SGIP1: variants seen among roughly 807,000 people sequenced by gnomAD.
The protein encoded by SGIP1 is SH3GL interacting endocytic adaptor 1, also known as SH3-containing GRB2-like protein 3-interacting protein 1.
SGIP1 carries 38 observed loss-of-function variants against 107.5 expected under a neutral mutation model. The observed-to-expected ratio is 0.35, with a 90% CI of 0.27 to 0.46. SGIP1 has a LOEUF of 0.46. Among genes scored for constraint, SGIP1 ranks in the 20% least tolerant of loss-of-function variants. The pLI, the probability that SGIP1 is intolerant of heterozygous loss-of-function variation, is 1.00. For synonymous variants in SGIP1, 365 were observed against 366.1 expected, an observed-to-expected ratio of 1.00 and a Z score of 0.03; for missense variants, 929 against 1,019.5, an observed-to-expected ratio of 0.91 and a Z score of 1.21.
chr1:66,747,794 T>A lies in SGIP1; in HGVS notation c.*4699T>A, dbSNP rs894708301. On this transcript the variant is annotated 3_prime_UTR_variant, in exon 25 of 25. Transcript: ENST00000371037. Reference sequence around the variant, plus strand: ...TGAGTGTGTGTGTATGTGTCTGTGTTTAAGCTTTTCCTTTTCCAAAAGATT... The same window carrying A: ...TGAGTGTGTGTGTATGTGTCTGTGTATAAGCTTTTCCTTTTCCAAAAGATT... The A allele has an allele frequency of 6.6e-6, 1 of 151,968 alleles. No individual in the cohort carries two copies. 9.4% of individuals were successfully genotyped at this position (151,968 alleles called of 1,614,324 possible).
At chr1:66,692,689 C>G (rs1020272432) in intron 17 of SGIP1, among the ~76,000 whole-genome samples, 6 of 152,152 alleles carry the variant, frequency 3.9e-5, no homozygotes, top group Non-Finnish European at 7.3e-5. Flanking sequence ...CTCAACATTT[C>G]CCTCCCACTG....
chr1:66,641,049 T>A (rs1352174080), intron 5 of SGIP1, among the ~76,000 whole-genome samples: 1 of 151,148 alleles, frequency 6.6e-6, no homozygotes, highest in South Asian at 2.1e-4. Flanking sequence ...GAAAAAGAAG[T>A]CAAATACATA....
intron 1 of SGIP1, among the ~76,000 whole-genome samples, chr1:66,577,066 G>A (rs2061167867): frequency 6.6e-6 from 1 of 152,174 alleles, no homozygotes; most frequent in Non-Finnish European, 1.5e-5. Context: ...GGAACCCAGT[G>A]TCTTGAATAA....
At chr1:66,616,215 A>G (rs956349455) in intron 1 of SGIP1, 5 of 152,242 alleles carry the variant, frequency 3.3e-5, no homozygotes, top group African/African-American at 1.2e-4. Flanking sequence ...GCTCTAACAA[A>G]GAAAAGCTTG....
intron 5 of SGIP1, among the ~76,000 whole-genome samples, chr1:66,640,603 T>C (rs1397098757): frequency 6.6e-6 from 1 of 151,948 alleles, no homozygotes; most frequent in East Asian, 1.9e-4. Context: ...GGAGAGAACA[T>C]GTGGCTGAGA....
Position 66,743,792 on chromosome 1 carries a change from C to T in SGIP1, c.*697C>T, listed in dbSNP as rs1034090816. ...AATGCAAACTGTGTAAACAGGGCCT[C>T]TTATTTTTATAACTTGTGTAAAAAG... On this transcript the variant is annotated 3_prime_UTR_variant, in exon 25 of 25. Coordinates refer to ENST00000371037, the MANE Select transcript of SGIP1 (RefSeq NM_032291.4). The T allele has an allele frequency of 6.6e-6, 1 of 152,456 alleles. No homozygotes were observed. The highest frequency in any genetic ancestry group is 2.4e-5 in the African/African-American group (1 of 41,400). The allele number at this position is 152,456 out of a possible 1,614,324, so 9.4% of individuals were successfully genotyped here.
At chr1:66,645,758 G>A (rs1341916025) in intron 7 of SGIP1, among the ~76,000 whole-genome samples, 1 of 152,190 alleles carries the variant, frequency 6.6e-6, no homozygotes, top group Non-Finnish European at 1.5e-5. Flanking sequence ...GGTTGTAACT[G>A]AAAACATATT....
intron 14 of SGIP1, among the ~76,000 whole-genome samples, chr1:66,680,105 T>G (rs571144578): frequency 2.0e-5 from 3 of 152,366 alleles, no homozygotes; most frequent in South Asian, 4.1e-4. Context: ...ATTCATAGTC[T>G]CAAAGCACAG....
At chr1:66,669,575 C>A (rs2083318141) in intron 9 of SGIP1, among the ~76,000 whole-genome samples, 1 of 152,224 alleles carries the variant, frequency 6.6e-6, no homozygotes, top group African/African-American at 2.4e-5. Flanking sequence ...GTTATCTAAT[C>A]ATTTCTGTCT....
At chr1:66,542,044 G>T (rs2055080759) in intron 1 of SGIP1, among the ~76,000 whole-genome samples, 1 of 152,076 alleles carries the variant, frequency 6.6e-6, no homozygotes, top group African/African-American at 2.4e-5. Flanking sequence ...TATGTTCCAA[G>T]ATCCCCAGCG....
chr1:66,742,536 C>T (rs1485572041), intron 24 of SGIP1, among the ~76,000 whole-genome samples: 2 of 119,200 alleles, frequency 1.7e-5, no homozygotes, highest in Non-Finnish European at 3.3e-5. Context: ...GTGGCGCTAT[C>T]CCGGCTCACT....
At chr1:66,679,810 A>T (rs771532134) in intron 14 of SGIP1, 58 bp downstream of exon 14, 2 of 1,442,854 alleles carry the variant, frequency 1.4e-6, no homozygotes, top group East Asian at 2.6e-5. Flanking sequence ...GTGGCCCCGG[A>T]TGAACATGCC....
chr1:66,691,183 A>G (rs2089761530), intron 17 of SGIP1, among the ~76,000 whole-genome samples: 1 of 152,046 alleles, frequency 6.6e-6, no homozygotes, highest in African/African-American at 2.4e-5. Context: ...TGGCTCTTCC[A>G]TAGTGTAAAC....
At chr1:66,724,965 C>T (rs2093691648) in intron 19 of SGIP1, among the ~76,000 whole-genome samples, 1 of 152,194 alleles carries the variant, frequency 6.6e-6, no homozygotes, top group Admixed American at 6.5e-5. Context: ...TACATGTCCA[C>T]ATATGGACAA....
At position 66,746,460 on chromosome 1, in the gene SGIP1, T is replaced by C. The variant is rs1043220637; in HGVS notation, c.*3365T>C. ...TATCATGTGTCTTCCAACTCTGAAG[T>C]TCCACAGTTGTAATTTACTCAGATA... On this transcript the variant is annotated 3_prime_UTR_variant, in exon 25 of 25. Coordinates refer to ENST00000371037, the MANE Select transcript of SGIP1 (RefSeq NM_032291.4). 1 of 152,148 alleles carries C rather than the reference T, an allele frequency of 6.6e-6. No homozygotes were observed. Among genetic ancestry groups the C allele is most frequent in the Non-Finnish European group, 1.5e-5 (1 of 67,978 alleles). 9.4% of individuals were successfully genotyped at this position (152,148 alleles called of 1,614,324 possible). A position where few individuals can be genotyped will look rare whatever the true frequency, so the allele number is the denominator to read the frequency against.
chr1:66,543,996 A>G (rs2055684177), intron 1 of SGIP1, among the ~76,000 whole-genome samples: 2 of 152,202 alleles, frequency 1.3e-5, no homozygotes, highest in South Asian at 4.1e-4. Context: ...AATAAAATAG[A>G]ACAGTTTCCA....
At chr1:66,649,240 T>C (rs921758016) in intron 7 of SGIP1, among the ~76,000 whole-genome samples, 3 of 147,332 alleles carry the variant, frequency 2.0e-5, no homozygotes, top group African/African-American at 7.3e-5. Flanking sequence ...GAGGAACTAC[T>C]TTTAAGTTAG....
chr1:66,589,216 A>ATGTGTGTGTGTGTGTGTGTGTG lies in SGIP1; in HGVS notation c.11-36628_11-36627insGTGTGTGTGTGTGTGTGTGTGT, dbSNP rs1477899813. The stretch of plus-strand genomic sequence containing the variant: ...TATATATATATATATATATATATAT[A>ATGTGTGTGTGTGTGTGTGTGTG]TGTAAGGCTTGGGGTAAAGAGAAGG... On this transcript the variant is annotated intron_variant, in intron 1 of 24. Coordinates refer to ENST00000371037, the MANE Select transcript of SGIP1 (RefSeq NM_032291.4). 1.2e-3 allele frequency among the ~76,000 whole-genome samples: 117 copies of ATGTGTGTGTGTGTGTGTGTGTG among 96,402 alleles called. 4 individuals carry two copies. The highest frequency in any genetic ancestry group is 5.8e-3 in the Middle Eastern group (1 of 172). 63.2% of individuals were successfully genotyped at this position (96,402 alleles called of 152,430 possible). A position where few individuals can be genotyped will look rare whatever the true frequency, so the allele number is the denominator to read the frequency against.
chr1:66,729,221 A>T (rs369798943), intron 19 of SGIP1, 43 bp from the exon 20 acceptor site: 1 of 1,598,508 alleles, frequency 6.3e-7, no homozygotes, highest in African/African-American at 1.4e-5. Context: ...GTGTATTGAC[A>T]TGGATTTTCT....
Sources: gnomAD v4.1 joint callset for allele counts (sites outside exome capture counted in the v4.1 genomes callset) on GRCh38, gnomAD v4.1.1 for gene constraint, MANE v1.5 for transcripts, NCBI Gene and HGNC (gene_info 2026-07-23, HGNC 2026-07-21) for gene names.